ROBO2: variants seen among roughly 807,000 people sequenced by gnomAD.
The protein encoded by ROBO2 is roundabout homolog 2.
Under a neutral mutation model 160.8 loss-of-function variants are expected in ROBO2, and 53 were observed. That is an observed-to-expected ratio of 0.33 (90% CI 0.26 to 0.41). ROBO2 has a LOEUF of 0.41. Among genes scored for constraint, ROBO2 ranks in the 10% least tolerant of loss-of-function variants. The pLI is 1.00. For missense variants in ROBO2, 1,577 were observed against 1,722.4 expected, an observed-to-expected ratio of 0.92 and a Z score of 1.49; for synonymous variants, 664 against 611.7, an observed-to-expected ratio of 1.09 and a Z score of -1.26.
At chr3:76,618,693 C>T (rs2088797367) in intron 2 of ROBO2, among the ~76,000 whole-genome samples, 1 of 151,558 alleles carries the variant, frequency 6.6e-6, no homozygotes, top group South Asian at 2.1e-4. Context: ...GTATTAGTTC[C>T]TGGCACCTAA....
At chr3:76,601,220 A>C (rs2197725) in intron 2 of ROBO2, among the ~76,000 whole-genome samples, 147,825 of 152,274 alleles carry the variant, frequency 0.97, 71,914 homozygotes, top group East Asian at 1. Context: ...TGAGTGCCTG[A>C]AGCTTTTCCA....
intron 2 of ROBO2, among the ~76,000 whole-genome samples, chr3:77,361,048 A>C (rs569409968): frequency 6.6e-6 from 1 of 152,174 alleles, no homozygotes; most frequent in Non-Finnish European, 1.5e-5. Flanking sequence ...TCTATCAGGC[A>C]TATCTATTGG....
intron 2 of ROBO2, among the ~76,000 whole-genome samples, chr3:76,617,522 T>A (rs2088689130): frequency 6.6e-6 from 1 of 152,216 alleles, no homozygotes; most frequent in Non-Finnish European, 1.5e-5. Flanking sequence ...GTATATCTCA[T>A]ATGATATTGT....
At chr3:76,429,340 T>C (rs1428220841) in intron 2 of ROBO2, among the ~76,000 whole-genome samples, 1 of 152,192 alleles carries the variant, frequency 6.6e-6, no homozygotes, top group Non-Finnish European at 1.5e-5. Context: ...AGCTGTGTTC[T>C]AACATTTGTG....
At chr3:77,637,219 T>TATG (rs1425510919) in intron 24 of ROBO2, among the ~76,000 whole-genome samples, 1 of 152,212 alleles carries the variant, frequency 6.6e-6, no homozygotes, top group Non-Finnish European at 1.5e-5. Flanking sequence ...TTAGAGAAGC[T>TATG]ATGACTTAGT....
intron 15 of ROBO2, among the ~76,000 whole-genome samples, chr3:77,577,901 G>A (rs886257274): frequency 2.6e-5 from 4 of 151,956 alleles, no homozygotes; most frequent in Admixed American, 6.6e-5. Context: ...TGGGACACAG[G>A]GTAGGTTGTG....
chr3:76,065,553 G>A (rs1026059423), intron 2 of ROBO2, among the ~76,000 whole-genome samples: 5 of 151,694 alleles, frequency 3.3e-5, no homozygotes, highest in Non-Finnish European at 7.4e-5. Context: ...AACCTAAAAA[G>A]CCTCTACTTA....
At chr3:76,762,445 GT>G (rs71104618) in intron 2 of ROBO2, among the ~76,000 whole-genome samples, 45,668 of 140,074 alleles carry the variant, frequency 0.33, 8,373 homozygotes, top group Non-Finnish European at 0.42. Context: ...GAATCCAGCT[GT>G]TTTTTTTTTT....
At chr3:76,548,373 T>C (rs557388944) in intron 2 of ROBO2, among the ~76,000 whole-genome samples, 1 of 152,076 alleles carries the variant, frequency 6.6e-6, no homozygotes, top group Non-Finnish European at 1.5e-5. Context: ...GGAAATAGTA[T>C]AAAACATGAG....
chr3:77,372,051 T>C (rs1269137224), intron 2 of ROBO2, among the ~76,000 whole-genome samples: 1 of 152,092 alleles, frequency 6.6e-6, no homozygotes, highest in African/African-American at 2.4e-5. Flanking sequence ...ACATCAAGAG[T>C]TCTGTATTGT....
rs189171400 is a variant in ROBO2 at position 76,946,690 on chromosome 3, A to G, written c.110-151324A>G. Among the ~76,000 whole-genome samples, 257 of 152,266 alleles carry G rather than the reference A, an allele frequency of 1.7e-3. 1 individual carries two copies. Among genetic ancestry groups the G allele is most frequent in the African/African-American group, 5.2e-3 (218 of 41,552 alleles). ...TAACCTCAAGTGATCTGCCTGCCTC[A>G]GCCTCCGAAGATGTTGGGATTACAG... On this transcript the variant is annotated intron_variant, in intron 2 of 26. Transcript: ENST00000487694.
chr3:77,179,408 T>A (rs1328298643), intron 2 of ROBO2, among the ~76,000 whole-genome samples: 1 of 152,024 alleles, frequency 6.6e-6, no homozygotes, highest in Non-Finnish European at 1.5e-5. Context: ...TTTTTTCATA[T>A]AGCTCATGAA....
At chr3:76,265,189 C>T (rs142008785) in intron 2 of ROBO2, among the ~76,000 whole-genome samples, 50 of 152,214 alleles carry the variant, frequency 3.3e-4, no homozygotes, top group Middle Eastern at 3.4e-3. Flanking sequence ...TTTGCTTGAT[C>T]CATGTCCCTC....
rs11916353 is a variant in ROBO2 at position 76,925,731 on chromosome 3, C to T, written c.110-172283C>T. ...CCACAACAAACCCAGCCCCAGAAAA[C>T]CAAGCCACCTAGGAAAGAGAACTAC... On this transcript the variant is annotated intron_variant, in intron 2 of 26. Transcript: ENST00000487694. Among the ~76,000 whole-genome samples, 1,229 of 152,216 alleles carry T rather than the reference C, an allele frequency of 8.1e-3. 21 individuals carry two copies. The highest frequency in any genetic ancestry group is 0.028 in the African/African-American group (1,148 of 41,502).
intron 17 of ROBO2, among the ~76,000 whole-genome samples, chr3:77,589,400 T>C (rs1170472822): frequency 6.6e-6 from 1 of 151,946 alleles, no homozygotes; most frequent in Non-Finnish European, 1.5e-5. Flanking sequence ...TCGTGAAAAA[T>C]ACTGACAAGC....
chr3:77,423,873 T>C (rs537217922), intron 2 of ROBO2, among the ~76,000 whole-genome samples: 10 of 152,312 alleles, frequency 6.6e-5, no homozygotes, highest in Admixed American at 4.6e-4. Flanking sequence ...TGTATTTGTA[T>C]CTATAGAGCT....
intron 1 of ROBO2, among the ~76,000 whole-genome samples, chr3:75,935,339 T>A (rs1947721995): frequency 1.3e-5 from 2 of 151,920 alleles, no homozygotes; most frequent in Non-Finnish European, 2.9e-5. Context: ...AGCAACATAG[T>A]GGGACCCTAT....
At chr3:76,184,690 G>T (rs1701663407) in intron 2 of ROBO2, among the ~76,000 whole-genome samples, 2 of 151,962 alleles carry the variant, frequency 1.3e-5, no homozygotes, top group Admixed American at 6.6e-5. Context: ...GAGATGCTTG[G>T]CTCAGTCCAA....
intron 2 of ROBO2, among the ~76,000 whole-genome samples, chr3:76,938,269 G>T (rs953650528): frequency 4.6e-5 from 7 of 151,896 alleles, no homozygotes; most frequent in African/African-American, 1.7e-4. Flanking sequence ...GCAGGGGATC[G>T]CTTGAACCCG....
Sources: gnomAD v4.1 joint callset for allele counts (sites outside exome capture counted in the v4.1 genomes callset) on GRCh38, gnomAD v4.1.1 for gene constraint, MANE v1.5 for transcripts, NCBI Gene and HGNC (gene_info 2026-07-23, HGNC 2026-07-21) for gene names.